Variants in PLGRKT observed in about 807,000 individuals in gnomAD.
PLGRKT encodes the protein plasminogen receptor (KT).
A neutral mutation model predicts 18.5 loss-of-function variants in PLGRKT; 22 were observed. The observed-to-expected ratio is 1.19, with a 90% CI of 0.85 to 1.70. The LOEUF is 1.70. PLGRKT is among the 40% of genes most tolerant of loss of function. PLGRKT has a pLI of 0.00. For missense variants in PLGRKT, 235 were observed against 174.4 expected (o/e 1.35, Z -1.96); for synonymous variants, 72 against 52.8 (o/e 1.36, Z -1.58).
chr9:5,358,386 A>T (rs901539536), intron 5 of PLGRKT, 26 bp from the exon 6 acceptor site: 27 of 1,609,738 alleles, frequency 1.7e-5, no homozygotes, highest in Middle Eastern at 3.3e-4. Context: ...GAAATACACA[A>T]GGTGACAAAG....
chr9:5,363,549 C>T (rs1817315405), intron 3 of PLGRKT, among the ~76,000 whole-genome samples: 1 of 152,244 alleles, frequency 6.6e-6, no homozygotes, highest in East Asian at 1.9e-4. Context: ...GAAGTGGCCT[C>T]TCTTAGGCAT....
At chr9:5,358,672 T>G (rs547802964) in intron 5 of PLGRKT, among the ~76,000 whole-genome samples, 1 of 152,330 alleles carries the variant, frequency 6.6e-6, no homozygotes, top group East Asian at 1.9e-4. Flanking sequence ...TTGGAGGGAT[T>G]TGGGTAGAGA....
chr9:5,365,202 A>G, intron 3 of PLGRKT, among the ~76,000 whole-genome samples: 1 of 152,202 alleles, frequency 6.6e-6, no homozygotes, highest in Non-Finnish European at 1.5e-5. Context: ...AGGAGCCTAC[A>G]GAATCTTATA....
At chr9:5,377,251 A>G (rs928362963) in intron 3 of PLGRKT, among the ~76,000 whole-genome samples, 1 of 73,098 alleles carries the variant, frequency 1.4e-5, no homozygotes, top group Non-Finnish European at 3.1e-5. Flanking sequence ...AAGTAAACTA[A>G]AAAAAAAAAG....
chr9:5,403,243 G>C (rs1041191640), intron 3 of PLGRKT, among the ~76,000 whole-genome samples: 2 of 137,368 alleles, frequency 1.5e-5, no homozygotes, highest in Admixed American at 1.5e-4. Context: ...TTTTTTTTGA[G>C]ATGGAGTTTT....
intron 3 of PLGRKT, among the ~76,000 whole-genome samples, chr9:5,369,176 C>A (rs967701195): frequency 1.3e-5 from 2 of 152,184 alleles, no homozygotes; most frequent in African/African-American, 4.8e-5. Context: ...AGACCAACTA[C>A]AGAATGGGAG....
At chr9:5,424,525 A>G (rs1457616574) in intron 3 of PLGRKT, among the ~76,000 whole-genome samples, 2 of 123,804 alleles carry the variant, frequency 1.6e-5, no homozygotes, top group African/African-American at 6.7e-5. Context: ...ATATAAATAT[A>G]TATTATTAAC....
chr9:5,429,605 G>C (rs1172493616), intron 3 of PLGRKT, among the ~76,000 whole-genome samples: 2 of 152,244 alleles, frequency 1.3e-5, no homozygotes, highest in African/African-American at 2.4e-5. Context: ...AGTATGAATT[G>C]TATGGTCTTG....
intron 3 of PLGRKT, among the ~76,000 whole-genome samples, chr9:5,414,682 C>T (rs1818425700): frequency 6.6e-6 from 1 of 152,138 alleles, no homozygotes. Flanking sequence ...ACTGTGAAGA[C>T]AAAAGGAACA....
chr9:5,433,897 G>A (rs1230356307), intron 2 of PLGRKT, among the ~76,000 whole-genome samples: 28 of 146,844 alleles, frequency 1.9e-4, no homozygotes, highest in Non-Finnish European at 3.3e-4. Context: ...TGTGAGGAGC[G>A]CCTCTGCCCG....
chr9:5,410,153 C>T (rs1376432808), intron 3 of PLGRKT, among the ~76,000 whole-genome samples: 1 of 152,104 alleles, frequency 6.6e-6, no homozygotes, highest in Non-Finnish European at 1.5e-5. Flanking sequence ...CTGAAATAAG[C>T]ATTTAAGGTG....
chr9:5,400,052 G>A (rs1818127536), intron 3 of PLGRKT, among the ~76,000 whole-genome samples: 1 of 151,872 alleles, frequency 6.6e-6, no homozygotes, highest in African/African-American at 2.4e-5. Flanking sequence ...TTAAGGTGGT[G>A]GTAGTAATTT....
chr9:5,426,874 G>C (rs1210141624), intron 3 of PLGRKT, among the ~76,000 whole-genome samples: 1 of 152,146 alleles, frequency 6.6e-6, no homozygotes, highest in African/African-American at 2.4e-5. Context: ...CAAACCCAAA[G>C]CATCCATCCC....
intron 3 of PLGRKT, among the ~76,000 whole-genome samples, chr9:5,389,790 C>T (rs578117346): frequency 1.3e-5 from 2 of 151,726 alleles, no homozygotes; most frequent in African/African-American, 4.9e-5. Context: ...CCCTAATGAC[C>T]GAAGGCCATT....
chr9:5,424,691 T>TATATATATATATATATATACACACAC (rs201541927), intron 3 of PLGRKT, among the ~76,000 whole-genome samples: 4 of 70,502 alleles, frequency 5.7e-5, no homozygotes, highest in African/African-American at 2.4e-4. Context: ...TATATATATA[T>TATATATATATATATATATACACACAC]ACACACAGGG....
intron 3 of PLGRKT, among the ~76,000 whole-genome samples, chr9:5,402,669 G>C (rs756828362): frequency 6.6e-6 from 1 of 151,914 alleles, no homozygotes; most frequent in Non-Finnish European, 1.5e-5. Context: ...GCAGGTTGTG[G>C]TAGGACATCA....
chr9:5,394,316 C>A (rs1818005077), intron 3 of PLGRKT, among the ~76,000 whole-genome samples: 1 of 151,760 alleles, frequency 6.6e-6, no homozygotes, highest in Non-Finnish European at 1.5e-5. Context: ...GAGAAAAGAA[C>A]AAGGTAAATG....
chr9:5,431,485 G>C (rs1818822222), intron 3 of PLGRKT, among the ~76,000 whole-genome samples: 1 of 131,878 alleles, frequency 7.6e-6, no homozygotes, highest in South Asian at 2.4e-4. Context: ...AGTGAGCCCA[G>C]ATCATACCAC....
Position 5,422,528 on chromosome 9 carries a change from A to G in PLGRKT, c.81+9369T>C, listed in dbSNP as rs540673446. 1.2e-3 allele frequency among the ~76,000 whole-genome samples: 187 copies of G among 152,376 alleles called. 1 individual carries two copies. The highest frequency in any genetic ancestry group is 4.4e-3 in the African/African-American group (181 of 41,596). Reference sequence around the variant, plus strand: ...GTACGACAAGTAGAAAGGGAGGGATATTCTCACAAACTGAGAAAGACTTAG... The same window carrying G: ...GTACGACAAGTAGAAAGGGAGGGATGTTCTCACAAACTGAGAAAGACTTAG... On this transcript the variant is annotated intron_variant, in intron 3 of 5. Transcript: ENST00000223864.
Sources: gnomAD v4.1 joint callset for allele counts (sites outside exome capture counted in the v4.1 genomes callset) on GRCh38, gnomAD v4.1.1 for gene constraint, MANE v1.5 for transcripts, NCBI Gene and HGNC (gene_info 2026-07-23, HGNC 2026-07-21) for gene names.